Variants in ACYP2 observed in about 807,000 individuals in gnomAD.
The protein encoded by ACYP2 is acylphosphatase-2.
In ACYP2, 12 loss-of-function variants were observed where a neutral mutation model predicts 11.2. The observed-to-expected ratio is 1.08, with a 90% CI of 0.69 to 1.74. The LOEUF (loss-of-function observed/expected upper bound fraction) is 1.74. Among genes scored for constraint, ACYP2 ranks in the 40% most tolerant of loss-of-function variants. The probability of loss-of-function intolerance (pLI) is 0.00; values close to 1 mark genes in which losing one functional copy is unlikely to be tolerated. For missense variants in ACYP2, 134 were observed against 101.9 expected (o/e 1.31, Z -1.35); for synonymous variants, 43 against 32.2 (o/e 1.33, Z -1.13).
intron 2 of ACYP2, among the ~76,000 whole-genome samples, chr2:54,042,190 G>T (rs1256486229): frequency 6.6e-6 from 1 of 152,088 alleles, no homozygotes; most frequent in African/African-American, 2.4e-5. Flanking sequence ...ATTTTTAGTA[G>T]ACACAGGGTT....
chr2:54,188,037 C>G (rs184825446), intron 6 of ACYP2, among the ~76,000 whole-genome samples: 3 of 152,180 alleles, frequency 2.0e-5, no homozygotes, highest in African/African-American at 7.2e-5. Context: ...ACAAACCTGT[C>G]GTAGCCCTGA....
intron 2 of ACYP2, among the ~76,000 whole-genome samples, chr2:53,985,071 T>C (rs1165910083): frequency 4.9e-5 from 6 of 121,314 alleles, no homozygotes; most frequent in African/African-American, 1.7e-4. Flanking sequence ...TTTTTCTTTC[T>C]TTTTTTTTTT....
intron 6 of ACYP2, among the ~76,000 whole-genome samples, chr2:54,232,563 C>T (rs543220304): frequency 2.0e-5 from 3 of 152,230 alleles, no homozygotes; most frequent in South Asian, 4.2e-4. Context: ...CGTCTTGCCC[C>T]CAGTGTCAAA....
chr2:54,170,375 A>G (rs1683172122), intron 6 of ACYP2, among the ~76,000 whole-genome samples: 1 of 151,770 alleles, frequency 6.6e-6, no homozygotes, highest in Non-Finnish European at 1.5e-5. Context: ...CTGGTCTCGA[A>G]CTCACAGCCT....
chr2:54,168,326 C>G (rs1683088830), intron 6 of ACYP2, among the ~76,000 whole-genome samples: 1 of 152,028 alleles, frequency 6.6e-6, no homozygotes, highest in South Asian at 2.1e-4. Flanking sequence ...ACTTGGGAGG[C>G]TGAGGGAGGA....
At chr2:54,159,947 C>T (rs1682634028) in intron 6 of ACYP2, among the ~76,000 whole-genome samples, 1 of 152,160 alleles carries the variant, frequency 6.6e-6, no homozygotes, top group African/African-American at 2.4e-5. Flanking sequence ...TCTTTCATTC[C>T]CCACTTGCTG....
At chr2:54,121,223 G>A (rs1396977522) in intron 4 of ACYP2, among the ~76,000 whole-genome samples, 3 of 152,192 alleles carry the variant, frequency 2.0e-5, no homozygotes, top group African/African-American at 7.2e-5. Context: ...CCCTCTGTGT[G>A]AGAGGGGGCC....
chr2:54,002,878 C>A (rs916137534), intron 2 of ACYP2, among the ~76,000 whole-genome samples: 7 of 147,616 alleles, frequency 4.7e-5, no homozygotes, highest in African/African-American at 1.8e-4. Flanking sequence ...GAACTCCTCA[C>A]CTCAGGTGAT....
intron 4 of ACYP2, among the ~76,000 whole-genome samples, chr2:54,089,874 G>A (rs539064252): frequency 2.6e-5 from 4 of 151,772 alleles, no homozygotes; most frequent in African/African-American, 4.8e-5. Flanking sequence ...AGCCGGACAC[G>A]GTGGCTCATA....
At chr2:53,986,012 T>C (rs1027957367) in intron 2 of ACYP2, among the ~76,000 whole-genome samples, 1 of 152,070 alleles carries the variant, frequency 6.6e-6, no homozygotes, top group Non-Finnish European at 1.5e-5. Context: ...GGCGTTCACC[T>C]GTAATCCCAG....
chr2:54,278,051 C>T (rs916870128), intron 6 of ACYP2, among the ~76,000 whole-genome samples: 8 of 152,154 alleles, frequency 5.3e-5, no homozygotes, highest in Admixed American at 3.3e-4. Context: ...TCACTCGGCT[C>T]ACTGCAAGCT....
At position 54,202,111 on chromosome 2, in the gene ACYP2, ATTGTTT is replaced by A. The variant is rs201743095; in HGVS notation, c.404+63365_404+63370del. ...CAGTGTAAGGTAGAGGTCCAATTTC[ATTGTTT>A]TGCGATTGGCTATCCAGTTGTTCCA... On this transcript the variant is annotated intron_variant, in intron 6 of 6. Coordinates refer to ENST00000607452, the MANE Select transcript of ACYP2 (RefSeq NM_001320586.2). 4.8e-3 allele frequency among the ~76,000 whole-genome samples: 721 copies of A among 151,432 alleles called. 9 individuals are homozygous for A. Among genetic ancestry groups the A allele is most frequent in the African/African-American group, 0.017 (685 of 41,286 alleles).
chr2:54,074,141 A>G (rs1198496849), intron 4 of ACYP2, among the ~76,000 whole-genome samples: 1 of 152,220 alleles, frequency 6.6e-6, no homozygotes, highest in Admixed American at 6.5e-5. Flanking sequence ...GGAGTTTTAT[A>G]TCAGCCTGAC....
chr2:54,159,085 G>T (rs928935876), intron 6 of ACYP2, among the ~76,000 whole-genome samples: 1 of 151,610 alleles, frequency 6.6e-6, no homozygotes. Context: ...TGTGTTATAG[G>T]TTTACTACTA....
At chr2:54,043,072 G>GGTGTGTGTGTGT (rs58940352) in intron 2 of ACYP2, among the ~76,000 whole-genome samples, 1 of 148,892 alleles carries the variant, frequency 6.7e-6, no homozygotes. Flanking sequence ...GTGTGTGTGG[G>GGTGTGTGTGTGT]GTGTGTGTGT....
chr2:54,166,066 C>T (rs1302956309), intron 6 of ACYP2, among the ~76,000 whole-genome samples: 1 of 152,126 alleles, frequency 6.6e-6, no homozygotes, highest in African/African-American at 2.4e-5. Flanking sequence ...GACCCTGGTC[C>T]ATTGGCTTAG....
At chr2:54,002,797 A>G (rs1166333779) in intron 2 of ACYP2, among the ~76,000 whole-genome samples, 2 of 151,478 alleles carry the variant, frequency 1.3e-5, no homozygotes, top group Non-Finnish European at 2.9e-5. Flanking sequence ...GATTACAGGC[A>G]TGCACCACCA....
chr2:54,148,766 T>A lies in ACYP2; in HGVS notation c.404+10018T>A, dbSNP rs551411026. Reference sequence around the variant, plus strand: ...CAACATTATAAGTTGTGATGTTACATGTTTAGGTTTTAAAAAATGAATTTA... The same window carrying A: ...CAACATTATAAGTTGTGATGTTACAAGTTTAGGTTTTAAAAAATGAATTTA... On this transcript the variant is annotated intron_variant, in intron 6 of 6. Transcript: ENST00000607452. Among the ~76,000 whole-genome samples the A allele has an allele frequency of 4.6e-5, 7 of 152,212 alleles. No individual in the cohort carries two copies. The East Asian group carries it at 1.3e-3, about 29-fold the overall frequency.
At chr2:54,250,890 A>C (rs921951421) in intron 6 of ACYP2, among the ~76,000 whole-genome samples, 5 of 152,236 alleles carry the variant, frequency 3.3e-5, no homozygotes, top group Admixed American at 3.3e-4. Context: ...AATTGTTTTT[A>C]TCTCTTAATT....
Sources: gnomAD v4.1 joint callset for allele counts (sites outside exome capture counted in the v4.1 genomes callset) on GRCh38, gnomAD v4.1.1 for gene constraint, MANE v1.5 for transcripts, NCBI Gene and HGNC (gene_info 2026-07-23, HGNC 2026-07-21) for gene names.